Variants in ASTN2 observed in about 807,000 individuals in gnomAD.
ASTN2 encodes the protein astrotactin 2.
Under a neutral mutation model 139.8 loss-of-function variants are expected in ASTN2, and 54 were observed. The observed-to-expected ratio is 0.39, with a 90% CI of 0.31 to 0.48. The LOEUF (loss-of-function observed/expected upper bound fraction) is 0.48. ASTN2 is among the 20% of genes least tolerant of loss of function. The pLI is 0.95. For synonymous variants in ASTN2, 756 were observed against 719.5 expected, an observed-to-expected ratio of 1.05 and a Z score of -0.81; for missense variants, 1,565 against 1,725.1, an observed-to-expected ratio of 0.91 and a Z score of 1.64.
At chr9:117,163,960 G>C (rs1334572515) in intron 3 of ASTN2, among the ~76,000 whole-genome samples, 1 of 152,010 alleles carries the variant, frequency 6.6e-6, no homozygotes, top group Non-Finnish European at 1.5e-5. Context: ...CTGGCATATA[G>C]CAGGAACTCA....
At chr9:116,996,064 C>T (rs1837005682) in intron 7 of ASTN2, among the ~76,000 whole-genome samples, 2 of 151,976 alleles carry the variant, frequency 1.3e-5, no homozygotes, top group African/African-American at 4.8e-5. Context: ...TGGTCTTGAA[C>T]TCCTTGTGAT....
intron 22 of ASTN2, among the ~76,000 whole-genome samples, chr9:116,432,436 A>ATC (rs1307479207): frequency 6.6e-6 from 1 of 152,212 alleles, no homozygotes; most frequent in Non-Finnish European, 1.5e-5. Flanking sequence ...TCCAACACTT[A>ATC]GTGTTTAGAC....
chr9:116,470,813 T>C lies in ASTN2; in HGVS notation c.3497+16546A>G, dbSNP rs76426353. ...AGAACTCATTTGTCCTCTCTGTAAA[T>C]GGCATGATTCTTGCCTCTAAAAATG... On this transcript the variant is annotated intron_variant, in intron 20 of 22. Coordinates refer to ENST00000313400, the MANE Select transcript of ASTN2 (RefSeq NM_001365068.1). Among the ~76,000 whole-genome samples the C allele has an allele frequency of 8.5e-5, 13 of 152,318 alleles. No homozygotes were observed. In the East Asian group the frequency reaches 2.5e-3, roughly 30 times the overall value.
chr9:117,369,825 G>C (rs1281838708), intron 1 of ASTN2, among the ~76,000 whole-genome samples: 1 of 152,098 alleles, frequency 6.6e-6, no homozygotes, highest in Non-Finnish European at 1.5e-5. Flanking sequence ...GGATGCAGAG[G>C]CTTTAACAAG....
At chr9:116,920,049 T>C (rs1588411889) in intron 10 of ASTN2, among the ~76,000 whole-genome samples, 1 of 152,196 alleles carries the variant, frequency 6.6e-6, no homozygotes, top group East Asian at 1.9e-4. Context: ...TTAGTTCTTA[T>C]AATGGACAAG....
intron 10 of ASTN2, among the ~76,000 whole-genome samples, chr9:116,946,620 G>T (rs1334423095): frequency 6.6e-6 from 1 of 152,096 alleles, no homozygotes; most frequent in Non-Finnish European, 1.5e-5. Flanking sequence ...AATCCAATGA[G>T]CATGCTGGTG....
intron 16 of ASTN2, among the ~76,000 whole-genome samples, chr9:116,681,846 C>A (rs1231239007): frequency 1.3e-5 from 2 of 151,094 alleles, no homozygotes; most frequent in East Asian, 1.9e-4. Flanking sequence ...AACTGGATCC[C>A]TTCCTTACAC....
chr9:117,092,492 C>T (rs1828730914), intron 5 of ASTN2, among the ~76,000 whole-genome samples: 1 of 152,172 alleles, frequency 6.6e-6, no homozygotes, highest in African/African-American at 2.4e-5. Context: ...GCCCCAAAGA[C>T]TCAACTTCCT....
At chr9:116,763,494 C>T (rs917334845) in intron 13 of ASTN2, among the ~76,000 whole-genome samples, 2 of 152,026 alleles carry the variant, frequency 1.3e-5, no homozygotes, top group Non-Finnish European at 2.9e-5. Context: ...CAGGCCAAAC[C>T]CATCACTCAG....
chr9:116,765,707 G>C (rs1829788887), intron 13 of ASTN2, among the ~76,000 whole-genome samples: 1 of 151,886 alleles, frequency 6.6e-6, no homozygotes, highest in Non-Finnish European at 1.5e-5. Flanking sequence ...TTAAAAAATA[G>C]AAGGGAAAAA....
intron 20 of ASTN2, among the ~76,000 whole-genome samples, chr9:116,465,409 C>T (rs1274797000): frequency 1.3e-5 from 2 of 152,150 alleles, no homozygotes; most frequent in South Asian, 2.1e-4. Context: ...GATAAGACCT[C>T]GCCACGGCTG....
At chr9:117,199,909 A>T (rs899918607) in intron 3 of ASTN2, among the ~76,000 whole-genome samples, 6 of 151,716 alleles carry the variant, frequency 4.0e-5, no homozygotes, top group Non-Finnish European at 7.4e-5. Context: ...TTCTTTTTGA[A>T]TGGGAGTTCA....
intron 19 of ASTN2, among the ~76,000 whole-genome samples, chr9:116,501,486 T>C (rs1290769500): frequency 2.6e-5 from 4 of 152,124 alleles, no homozygotes; most frequent in Non-Finnish European, 4.4e-5. Flanking sequence ...TACCCAGTAA[T>C]GGGATGGCTG....
chr9:117,182,055 A>G (rs1831082735), intron 3 of ASTN2, among the ~76,000 whole-genome samples: 1 of 151,942 alleles, frequency 6.6e-6, no homozygotes, highest in South Asian at 2.1e-4. Flanking sequence ...TGCCAATTTC[A>G]CAGTTCACAA....
chr9:116,964,500 C>T (rs1011601533), intron 10 of ASTN2, among the ~76,000 whole-genome samples: 2 of 152,086 alleles, frequency 1.3e-5, no homozygotes, highest in Non-Finnish European at 2.9e-5. Context: ...GAGACCGTGG[C>T]AGGCAACGGA....
At chr9:116,925,215 C>A (rs1213292649) in intron 10 of ASTN2, among the ~76,000 whole-genome samples, 1 of 152,298 alleles carries the variant, frequency 6.6e-6, no homozygotes, top group South Asian at 2.1e-4. Context: ...CCTGCTTAGT[C>A]ATCAGCACTA....
chr9:117,195,831 C>G (rs1831486559), intron 3 of ASTN2, among the ~76,000 whole-genome samples: 1 of 152,150 alleles, frequency 6.6e-6, no homozygotes. Context: ...GAGTTCCCTG[C>G]ACCCTTGGGG....
rs371573318 is a variant in ASTN2 at position 117,381,337 on chromosome 9, C to T, written c.442+33160G>A. Among the ~76,000 whole-genome samples, 12 of 152,116 alleles carry T rather than the reference C, an allele frequency of 7.9e-5. No individual in the cohort carries two copies. The East Asian group carries it at 1.9e-3, about 25-fold the overall frequency. On this transcript the variant is annotated intron_variant, in intron 1 of 22. Transcript: ENST00000313400. The stretch of plus-strand genomic sequence containing the variant: ...ACAAGTGATATGGCTTGGATATTTG[C>T]CTCATCCAATATGAGATACATTCCA...
At chr9:116,856,084 G>A (rs1195804129) in intron 11 of ASTN2, among the ~76,000 whole-genome samples, 3 of 152,152 alleles carry the variant, frequency 2.0e-5, no homozygotes, top group Non-Finnish European at 4.4e-5. Flanking sequence ...TGTAAATCCT[G>A]TTTTGCAACC....
Sources: gnomAD v4.1 joint callset for allele counts (sites outside exome capture counted in the v4.1 genomes callset) on GRCh38, gnomAD v4.1.1 for gene constraint, MANE v1.5 for transcripts, NCBI Gene and HGNC (gene_info 2026-07-23, HGNC 2026-07-21) for gene names.